NXPE2: variants seen among roughly 807,000 people sequenced by gnomAD.
The protein encoded by NXPE2 is NXPE family member 2.
In NXPE2, 34 loss-of-function variants were observed where a neutral mutation model predicts 34.4. The observed-to-expected ratio is 0.99, with a 90% confidence interval of 0.75 to 1.31. The LOEUF (loss-of-function observed/expected upper bound fraction) is 1.31, where lower values mean the gene tolerates loss of function less well. NXPE2 is among the 40% of genes most tolerant of loss of function. The pLI, the probability that NXPE2 is intolerant of heterozygous loss-of-function variation, is 0.00. For synonymous variants in NXPE2, 235 were observed against 231.3 expected, an observed-to-expected ratio of 1.02 and a Z score of -0.15; for missense variants, 649 against 672.5, an observed-to-expected ratio of 0.97 and a Z score of 0.39.
At chr11:114,646,323 T>A in the NXPE2 span, among the ~76,000 whole-genome samples, 1 of 151,652 alleles carries the variant, frequency 6.6e-6, no homozygotes, top group African/African-American at 2.4e-5. Flanking sequence ...ATATTACAAA[T>A]AAATATAAAT....
At chr11:114,549,078 A>G in the NXPE2 span, among the ~76,000 whole-genome samples, 2 of 151,978 alleles carry the variant, frequency 1.3e-5, no homozygotes, top group Non-Finnish European at 2.9e-5. Flanking sequence ...AATACAACCT[A>G]TCAAAATTGA....
At chr11:114,508,856 A>G in the NXPE2 span, among the ~76,000 whole-genome samples, 1 of 144,550 alleles carries the variant, frequency 6.9e-6, no homozygotes, top group African/African-American at 2.7e-5. Context: ...TTCATGATGA[A>G]GATTCCAAAA....
the NXPE2 span, among the ~76,000 whole-genome samples, chr11:114,712,939 T>C: frequency 6.6e-6 from 1 of 152,116 alleles, no homozygotes; most frequent in Non-Finnish European, 1.5e-5. Flanking sequence ...TGAAAAACCA[T>C]GCAACCTTAG....
chr11:114,472,498 A>C, the NXPE2 span, among the ~76,000 whole-genome samples: 63 of 152,326 alleles, frequency 4.1e-4, 1 homozygote, highest in Non-Finnish European at 6.9e-4. Context: ...CGGGCTGTGG[A>C]TTGGACAAGC....
the NXPE2 span, among the ~76,000 whole-genome samples, chr11:114,736,431 A>G: frequency 6.6e-6 from 1 of 152,124 alleles, no homozygotes; most frequent in Admixed American, 6.5e-5. Flanking sequence ...ATTGAGCGAT[A>G]TTTCTCCCAT....
chr11:114,730,941 G>A, the NXPE2 span, among the ~76,000 whole-genome samples: 1 of 152,138 alleles, frequency 6.6e-6, no homozygotes, highest in Non-Finnish European at 1.5e-5. Context: ...TGATAGGAGT[G>A]GTGAGAGTGG....
At chr11:114,708,728 G>A (rs1396650224), downstream of NXPE2, among the ~76,000 whole-genome samples, 2 of 152,088 alleles carry the variant, frequency 1.3e-5, no homozygotes, top group African/African-American at 2.4e-5. Flanking sequence ...GGGAACTCAC[G>A]TTAGAAATTT....
At chr11:114,633,709 G>A in the NXPE2 span, among the ~76,000 whole-genome samples, 1 of 150,792 alleles carries the variant, frequency 6.6e-6, no homozygotes, top group Non-Finnish European at 1.5e-5. Context: ...GTGAGAACAT[G>A]TGGCGTTTGG....
chr11:114,481,725 G>T, the NXPE2 span, among the ~76,000 whole-genome samples: 6 of 152,048 alleles, frequency 3.9e-5, no homozygotes, highest in Non-Finnish European at 8.8e-5. Context: ...CTTTTCAAAT[G>T]CTCATTGATG....
the NXPE2 span, among the ~76,000 whole-genome samples, chr11:114,714,016 A>G: frequency 4.3e-3 from 655 of 152,358 alleles, 2 homozygotes; most frequent in African/African-American, 0.015. Flanking sequence ...TCCATCTACT[A>G]TAAAGCAAAA....
the NXPE2 span, among the ~76,000 whole-genome samples, chr11:114,469,232 C>A: frequency 1.3e-5 from 2 of 149,648 alleles, no homozygotes; most frequent in African/African-American, 4.9e-5. Context: ...CTGCCTCAGC[C>A]TCCCGAGTAG....
upstream of NXPE2, among the ~76,000 whole-genome samples, chr11:114,675,337 G>C (rs1294777845): frequency 6.6e-6 from 1 of 151,748 alleles, no homozygotes; most frequent in African/African-American, 2.4e-5. Flanking sequence ...AGAAATAAAA[G>C]GCATCCAAAT....
chr11:114,662,405 G>A, the NXPE2 span, among the ~76,000 whole-genome samples: 1 of 152,184 alleles, frequency 6.6e-6, no homozygotes, highest in South Asian at 2.1e-4. Context: ...GTTCCCACAA[G>A]CCTCACTGCT....
chr11:114,786,856 G>A, the NXPE2 span, among the ~76,000 whole-genome samples: 8 of 152,178 alleles, frequency 5.3e-5, no homozygotes, highest in Non-Finnish European at 8.8e-5. Flanking sequence ...TCACAGTACC[G>A]TACAGTGGTG....
At chr11:114,611,808 A>T in the NXPE2 span, among the ~76,000 whole-genome samples, 78,597 of 149,666 alleles carry the variant, frequency 0.53, 21,223 homozygotes, top group African/African-American at 0.66. Flanking sequence ...GCCTCTTGGG[A>T]AACCACTGTT....
At chr11:114,615,665 G>A in the NXPE2 span, among the ~76,000 whole-genome samples, 466 of 151,258 alleles carry the variant, frequency 3.1e-3, 6 homozygotes, top group Non-Finnish European at 4.9e-3. Context: ...ACTGTTACCC[G>A]ATGGATAATA....
chr11:114,806,628 A>T, the NXPE2 span, among the ~76,000 whole-genome samples: 257 of 152,318 alleles, frequency 1.7e-3, 1 homozygote, highest in Non-Finnish European at 2.4e-3. Flanking sequence ...AAATGAAGCG[A>T]GAAGAGAAGT....
intron 2 of NXPE2, among the ~76,000 whole-genome samples, chr11:114,695,830 AACACACACACACACAC>A (rs67132329): frequency 5.3e-5 from 7 of 132,536 alleles, no homozygotes; most frequent in African/African-American, 1.7e-4. Context: ...GTCTCTACTA[AACACACACACACACAC>A]ACACACACAC....
chr11:114,696,348 A>AC (rs1951254394), intron 2 of NXPE2, among the ~76,000 whole-genome samples: 1 of 148,216 alleles, frequency 6.7e-6, no homozygotes. Context: ...ACCAAAAAAA[A>AC]AAAAAAAAAA....
Sources: allele counts gnomAD v4.1 joint callset (sites outside exome capture counted in the v4.1 genomes callset), GRCh38; gene constraint gnomAD v4.1.1; transcripts MANE v1.5; gene names NCBI Gene and HGNC (gene_info 2026-07-23, HGNC 2026-07-21).